Variants in RIOK2 observed in about 807,000 individuals in gnomAD.
The protein encoded by RIOK2 is serine/threonine-protein kinase RIO2.
In RIOK2, 46 loss-of-function variants were observed where a neutral mutation model predicts 62.4. The ratio of observed to expected loss-of-function variants is 0.74; its 90% CI spans 0.58 to 0.94. RIOK2 has a LOEUF of 0.94. Ranked by LOEUF, RIOK2 falls within the 40% of genes least tolerant of loss-of-function variation. The pLI is 0.00. For missense variants in RIOK2, 574 were observed against 658.0 expected, an observed-to-expected ratio of 0.87 and a Z score of 1.40; for synonymous variants, 197 against 216.0, an observed-to-expected ratio of 0.91 and a Z score of 0.77.
At chr5:97,179,019 C>A (rs553195725) in intron 2 of RIOK2, 36 bp downstream of exon 2, 2 of 1,612,822 alleles carry the variant, frequency 1.2e-6, no homozygotes, top group Non-Finnish European at 1.7e-6. Flanking sequence ...AAACCAATTA[C>A]CTGAAAAATC....
chr5:97,180,005 TATATATATATA>T (rs1460373515), intron 1 of RIOK2, among the ~76,000 whole-genome samples: 18 of 27,452 alleles, frequency 6.6e-4, no homozygotes, highest in Admixed American at 2.7e-3. Flanking sequence ...ATATATATAT[TATATATATATA>T]ATATATATAT....
In RIOK2 at chr5:97,162,075, A is replaced by G. The variant is rs1188601849; in HGVS notation, c.*986T>C. 3 of 151,676 alleles carry G rather than the reference A, an allele frequency of 2.0e-5. No homozygotes were observed. The highest frequency in any genetic ancestry group is 4.4e-5 in the Non-Finnish European group (3 of 68,026). 9.4% of individuals were successfully genotyped at this position (151,676 alleles called of 1,614,324 possible). ...TATCAATCTTGGAAAAGTCTGTACT[A>G]TATTCCCTCTGGTAGAACATAATTA... On this transcript the variant is annotated 3_prime_UTR_variant, in exon 10 of 10. Transcript: ENST00000283109.
In RIOK2 at chr5:97,178,056, G is replaced by T. The variant is rs79213515; in HGVS notation, c.206-208C>A. Among the ~76,000 whole-genome samples, 458 of 152,218 alleles carry T rather than the reference G, an allele frequency of 3.0e-3. 3 individuals carry two copies. Among genetic ancestry groups the T allele is most frequent in the African/African-American group, 0.01 (429 of 41,538 alleles). Reference sequence around the variant, plus strand: ...CAAAATGTGACCTACAGACAGGTCTGTAAGTGTTTGTGACAAGATAAAAGG... The same window carrying T: ...CAAAATGTGACCTACAGACAGGTCTTTAAGTGTTTGTGACAAGATAAAAGG... On this transcript the variant is annotated intron_variant, in intron 2 of 9. Coordinates refer to ENST00000283109, the MANE Select transcript of RIOK2 (RefSeq NM_018343.3).
Position 97,167,767 on chromosome 5 carries a change from TAGC to T in RIOK2, c.1094_1096del (p.Cys365del), listed in dbSNP as rs774320982. On this transcript the variant is annotated inframe_deletion, in exon 8 of 10. Transcript: ENST00000283109. ...TTCAGGGTCTCCAGATGATCTGCAA[TAGC>T]AGCCCTCTGATTCTTCTAGACAGTT... The T allele has an allele frequency of 1.2e-6, 2 of 1,614,162 alleles. No homozygotes were observed. The highest frequency in any genetic ancestry group is 1.7e-6 in the Non-Finnish European group (2 of 1,180,006).
At chr5:97,178,640 T>TGTACTCTCCATGCTCTTCTGCA (rs1749244130) in intron 2 of RIOK2, among the ~76,000 whole-genome samples, 1 of 106,230 alleles carries the variant, frequency 9.4e-6, no homozygotes, top group African/African-American at 2.9e-5. Context: ...CGTGCTCTTC[T>TGTACTCTCCATGCTCTTCTGCA]GTACTCTACA....
At position 97,179,036 on chromosome 5, in the gene RIOK2, G is replaced by C; in HGVS notation, c.205+19C>G. The stretch of plus-strand genomic sequence containing the variant: ...ACCAATTACCTGAAAAATCACAAAT[G>C]GTGCCTCAAAATACTTACTTTTGGT... On this transcript the variant is annotated intron_variant, in intron 2 of 9. Transcript: ENST00000283109. 6.2e-7 allele frequency: 1 copy of C among 1,613,428 alleles called. No individual in the cohort carries two copies. The highest frequency in any genetic ancestry group is 8.5e-7 in the Non-Finnish European group (1 of 1,179,714).
rs1428295804 is a variant in RIOK2 at position 97,173,191 on chromosome 5, T to G, written c.571A>C (p.Ile191Leu). The change falls in exon 5 of 10, where the codon ATA becomes CTA. Residue 191 changes from isoleucine to leucine, a missense_variant. By Grantham distance (5) the Ile-to-Leu change is conservative (BLOSUM62 2). Coordinates refer to ENST00000283109, the MANE Select transcript of RIOK2 (RefSeq NM_018343.3). Reference protein sequence around the residue: ...YNRHAVVMELINGYPLCQIHH... With the variant: ...YNRHAVVMELLNGYPLCQIHH... Reference sequence around the variant, plus strand: ...AATACTTACAGTGGATAACCATTTATGAGTTCCATGACCACTGCATGACGA... The same window carrying G: ...AATACTTACAGTGGATAACCATTTAGGAGTTCCATGACCACTGCATGACGA... 2 of 1,610,516 alleles carry G rather than the reference T, an allele frequency of 1.2e-6. No homozygotes were observed. Among genetic ancestry groups the G allele is most frequent in the Non-Finnish European group, 1.7e-6 (2 of 1,177,284 alleles).
intron 7 of RIOK2, 91 bp downstream of exon 7, chr5:97,168,669 A>G (rs1268462819): frequency 2.4e-6 from 2 of 817,720 alleles, no homozygotes; most frequent in African/African-American, 3.5e-5. Context: ...CAAAATTTGG[A>G]AAGTTTTTTA....
intron 4 of RIOK2, among the ~76,000 whole-genome samples, chr5:97,173,665 T>C (rs1306157183): frequency 6.6e-6 from 1 of 152,208 alleles, no homozygotes; most frequent in Non-Finnish European, 1.5e-5. Flanking sequence ...GCTCAAAATA[T>C]TTAAATTGGA....
At chr5:97,163,278 A>C in intron 9 of RIOK2, 53 bp from the exon 10 acceptor site, 1 of 1,419,522 alleles carries the variant, frequency 7.0e-7, no homozygotes, top group Admixed American at 1.7e-5. Flanking sequence ...TTCAAAAAGT[A>C]CACTGCTAAT....
chr5:97,165,981 G>A (rs1319619172), intron 8 of RIOK2, among the ~76,000 whole-genome samples: 1 of 152,188 alleles, frequency 6.6e-6, no homozygotes, highest in East Asian at 1.9e-4. Context: ...TCCATTGAAG[G>A]CCTGATGAGA....
chr5:97,180,775 A>C (rs1749385288), intron 1 of RIOK2, among the ~76,000 whole-genome samples: 1 of 152,140 alleles, frequency 6.6e-6, no homozygotes, highest in Non-Finnish European at 1.5e-5. Flanking sequence ...GGAAGGAATA[A>C]AAATCTTTAG....
chr5:97,164,092 A>T (rs1748775097), intron 9 of RIOK2, among the ~76,000 whole-genome samples: 1 of 151,992 alleles, frequency 6.6e-6, no homozygotes, highest in African/African-American at 2.4e-5. Context: ...GGGTCTTGCT[A>T]TGTTGCCCAG....
rs755515805 is a variant in RIOK2 at position 97,179,173 on chromosome 5, G to A, written c.87C>T (p.Asn29=). ...TCAAACTGCCGGGAACAATTTCATG[G>A]TTCTTCATGCCCATTTCAACCTGAA... is the stretch of plus-strand genomic sequence containing the variant. The part of the protein sequence containing the change: ...VLTAVEMGMK[N]HEIVPGSLIA... The change falls in exon 2 of 10, where the codon AAC becomes AAT. Residue 29 remains asparagine, a synonymous_variant. Coordinates refer to ENST00000283109, the MANE Select transcript of RIOK2 (RefSeq NM_018343.3). 6.8e-6 allele frequency: 11 copies of A among 1,613,414 alleles called. No individual in the cohort carries two copies. Among genetic ancestry groups the A allele is most frequent in the African/African-American group, 1.3e-5 (1 of 74,874 alleles).
At chr5:97,171,839 G>A (rs187262830) in intron 5 of RIOK2, among the ~76,000 whole-genome samples, 57 of 152,220 alleles carry the variant, frequency 3.7e-4, no homozygotes, top group Admixed American at 2.0e-3. Context: ...CGGGCCAGGC[G>A]CAATGGCTCA....
chr5:97,167,535 G>C lies in RIOK2; in HGVS notation c.1329C>G (p.Asp443Glu), dbSNP rs1238214629. 2.5e-6 allele frequency: 4 copies of C among 1,614,124 alleles called. No homozygotes were observed. The highest frequency in any genetic ancestry group is 4.5e-5 in the East Asian group (2 of 44,860). The change falls in exon 8 of 10, where the codon GAC (aspartate) becomes GAG (glutamate). Residue 443 changes from aspartate (D) to glutamate (E), a missense_variant. Asp to Glu is a conservative substitution (Grantham distance 45). Coordinates refer to ENST00000283109, the MANE Select transcript of RIOK2 (RefSeq NM_018343.3). ...RVQGGVPAGS[D>E]EYEDECPHLI... ...GATGAGGGCATTCATCTTCATACTC[G>C]TCAGAGCCAGCAGGGACTCCTCCTT...
In RIOK2 at chr5:97,165,091, G is replaced by A; in HGVS notation, c.1454C>T (p.Thr485Ile). ...NQYRTRTLSI[T>I]SSGSAVSCST... ...ACAGCTTACAGCACTGCCTGAAGAA[G>A]TGATACTCAGAGTTCTTGTTCTATA... The change falls in exon 9 of 10, where the codon ACT becomes ATT. Residue 485 changes from threonine to isoleucine, a missense_variant. Coordinates refer to ENST00000283109, the MANE Select transcript of RIOK2 (RefSeq NM_018343.3). 1 of 1,586,622 alleles carries A rather than the reference G, an allele frequency of 6.3e-7. No homozygotes were observed. The highest frequency in any genetic ancestry group is 8.6e-7 in the Non-Finnish European group (1 of 1,166,866).
At chr5:97,165,747 G>A (rs1240963430) in intron 8 of RIOK2, among the ~76,000 whole-genome samples, 1 of 152,102 alleles carries the variant, frequency 6.6e-6, no homozygotes, top group Non-Finnish European at 1.5e-5. Flanking sequence ...TATCCAGAGT[G>A]GGAACAAAAT....
At position 97,168,007 on chromosome 5, in the gene RIOK2, GTCA is replaced by G; in HGVS notation, c.873-19_873-17del. 1 of 1,564,042 alleles carries G rather than the reference GTCA, an allele frequency of 6.4e-7. No homozygotes were observed. Among genetic ancestry groups the G allele is most frequent in the Non-Finnish European group, 8.6e-7 (1 of 1,165,462 alleles). On this transcript the variant is annotated splice_polypyrimidine_tract_variant and intron_variant, in intron 7 of 9. Transcript: ENST00000283109. The stretch of plus-strand genomic sequence containing the variant: ...GTCTTCTCTCCTAGAAAAAAAAGGC[GTCA>G]AGCATAGAAAGAGAGAAAAAATGTT...
Sources: gnomAD v4.1 joint callset for allele counts (sites outside exome capture counted in the v4.1 genomes callset) on GRCh38, gnomAD v4.1.1 for gene constraint, MANE v1.5 for transcripts, NCBI Gene and HGNC (gene_info 2026-07-23, HGNC 2026-07-21) for gene names.